Variants in ANKRD1 observed in about 807,000 individuals in gnomAD.
The protein encoded by ANKRD1 is ankyrin repeat domain-containing protein 1.
ANKRD1 carries 32 observed loss-of-function variants against 40.1 expected under a neutral mutation model. The ratio of observed to expected loss-of-function variants is 0.80; its 90% CI spans 0.60 to 1.07. The LOEUF is 1.07. ANKRD1 is among the 50% of genes least tolerant of loss of function. The pLI, the probability that ANKRD1 is intolerant of heterozygous loss-of-function variation, is 0.00. For synonymous variants in ANKRD1, 149 were observed against 141.2 expected (o/e 1.06, Z -0.39); for missense variants, 359 against 386.0 (o/e 0.93, Z 0.59).
In ANKRD1 at chr10:90,915,776, A is replaced by G. The variant is rs751531814; in HGVS notation, c.750+6T>C. ...TTGGGAAACCCGAGCGTGTCCAGCT[A>G]CTCACTCTGTCTTTGGCGTTGAGGT... is the stretch of plus-strand genomic sequence containing the variant. On this transcript the variant is annotated splice_donor_region_variant and intron_variant, in intron 7 of 8. Coordinates refer to ENST00000371697, the MANE Select transcript of ANKRD1 (RefSeq NM_014391.3). 3 of 1,613,484 alleles carry G rather than the reference A, an allele frequency of 1.9e-6. No homozygotes were observed. Among genetic ancestry groups the G allele is most frequent in the East Asian group, 2.2e-5 (1 of 44,796 alleles).
intron 6 of ANKRD1, 140 bp downstream of exon 6, chr10:90,916,031 G>T: frequency 1.5e-6 from 1 of 646,900 alleles, no homozygotes. Flanking sequence ...GCGAGGTTAG[G>T]AGATGGAGGG....
chr10:90,912,991 T>C lies in ANKRD1; in HGVS notation c.850-15A>G, dbSNP rs988178315. On this transcript the variant is annotated splice_polypyrimidine_tract_variant and intron_variant, in intron 8 of 8. Transcript: ENST00000371697. ...GTCTTCCCAGCCTAATCAAATGAGA[T>C]AAGGAAAGTTGACTTTCAGGTGGGT... The C allele has an allele frequency of 1.5e-5, 24 of 1,612,114 alleles. No individual in the cohort carries two copies. Among genetic ancestry groups the C allele is most frequent in the Non-Finnish European group, 1.9e-5 (22 of 1,178,192 alleles).
At chr10:90,914,835 G>A (rs1440165825) in intron 8 of ANKRD1, among the ~76,000 whole-genome samples, 1 of 148,572 alleles carries the variant, frequency 6.7e-6, no homozygotes, top group Non-Finnish European at 1.5e-5. Context: ...TATATTAGAT[G>A]GTGTTTGTCT....
chr10:90,916,775 T>C (rs1356985551), intron 5 of ANKRD1, among the ~76,000 whole-genome samples: 1 of 152,228 alleles, frequency 6.6e-6, no homozygotes, highest in East Asian at 1.9e-4. Flanking sequence ...TTAAAAATTT[T>C]GGCAGAATAA....
In ANKRD1 at chr10:90,918,913, T is replaced by A; in HGVS notation, c.405A>T (p.Val135=). Residue 135 remains valine (V), a synonymous_variant, in exon 4 of 9, where the codon GTA becomes GTT. Coordinates refer to ENST00000371697, the MANE Select transcript of ANKRD1 (RefSeq NM_014391.3). ...LKAALENKLP[V]VEKFLSDKNN... Reference sequence around the variant, plus strand: ...TCTTGTCTGACAAGAATTTTTCTACTACTGGCAGTTTATTCTCCAGAGCAG... The same window carrying A: ...TCTTGTCTGACAAGAATTTTTCTACAACTGGCAGTTTATTCTCCAGAGCAG... 1 of 1,612,072 alleles carries A rather than the reference T, an allele frequency of 6.2e-7. No homozygotes were observed. The highest frequency in any genetic ancestry group is 8.5e-7 in the Non-Finnish European group (1 of 1,179,658).
intron 2 of ANKRD1, 112 bp downstream of exon 2, chr10:90,920,057 G>C: frequency 6.8e-7 from 1 of 1,475,986 alleles, no homozygotes; most frequent in Non-Finnish European, 9.5e-7. Context: ...TTAGAATCTG[G>C]TAAAGAGACA....
rs1445123382 is a variant in ANKRD1, at chr10:90,919,218, G to T, written c.258C>A (p.Asp86Glu). ...EQRSKLENLE[D>E]LEIIIQLKKR... is the part of the protein sequence containing the mutation. ...TCTTCAGTTGAATGATTATTTCAAG[G>T]TCTTCTAAATTTTCAAGCTTTGATC... Residue 86 changes from aspartate (D) to glutamate (E), a missense_variant, in exon 3 of 9, where the codon GAC (aspartate) becomes GAA (glutamate). Coordinates refer to ENST00000371697, the MANE Select transcript of ANKRD1 (RefSeq NM_014391.3). 1 of 1,610,028 alleles carries T rather than the reference G, an allele frequency of 6.2e-7. No individual in the cohort carries two copies. Among genetic ancestry groups the T allele is most frequent in the Admixed American group, 1.7e-5 (1 of 59,742 alleles).
At chr10:90,920,681 G>A (rs576575718) in intron 1 of ANKRD1, among the ~76,000 whole-genome samples, 106 of 152,180 alleles carry the variant, frequency 7.0e-4, no homozygotes, top group Admixed American at 2.2e-3. Context: ...GATGAGTTTC[G>A]CCTTATTGTA....
chr10:90,915,474 C>A, intron 8 of ANKRD1, 69 bp downstream of exon 8: 1 of 1,372,538 alleles, frequency 7.3e-7, no homozygotes, highest in Non-Finnish European at 1.0e-6. Flanking sequence ...GGAGTCGTTT[C>A]ACCTATTTAA....
rs990232406 is a variant in ANKRD1 at position 90,915,649 on chromosome 10, A to G, written c.751-8T>C. ...CAACGGGGTATCTCCTTCCTAGAGA[A>G]GCAGAGTCAACAGGTTCAAGGTGGG... On this transcript the variant is annotated splice_polypyrimidine_tract_variant and splice_region_variant and intron_variant, in intron 7 of 8. Transcript: ENST00000371697. The G allele has an allele frequency of 5.0e-6, 8 of 1,613,568 alleles. No individual in the cohort carries two copies. The highest frequency in any genetic ancestry group is 4.2e-6 in the Non-Finnish European group (5 of 1,179,766).
chr10:90,920,507 A>G (rs997825038), intron 1 of ANKRD1, among the ~76,000 whole-genome samples, 159 bp from the exon 2 acceptor site: 3 of 152,210 alleles, frequency 2.0e-5, no homozygotes, highest in Non-Finnish European at 4.4e-5. Flanking sequence ...CACTGCTACA[A>G]TTGTCCCAGA....
Position 90,912,335 on chromosome 10 carries a change from T to TA in ANKRD1, c.*530dup, listed in dbSNP as rs1252270273. The TA allele has an allele frequency of 2.1e-5, 2 of 94,260 alleles. No homozygotes were observed. The highest frequency in any genetic ancestry group is 5.8e-4 in the East Asian group (2 of 3,436). The allele number at this position is 94,260 out of a possible 1,614,324, so 5.8% of individuals were successfully genotyped here. ...AAAAAAAAAAAATCCAGCCTGGGGG[T>TA]AAAATAGCTGGCTTCACTGTCCTTT... On this transcript the variant is annotated 3_prime_UTR_variant, in exon 9 of 9. Transcript: ENST00000371697.
chr10:90,915,891 G>A lies in ANKRD1; in HGVS notation c.652-11C>T. On this transcript the variant is annotated splice_polypyrimidine_tract_variant and intron_variant, in intron 6 of 8. Transcript: ENST00000371697. ...CGCTGTGCTGAGCAACTGGAAAATT[G>A]GAAAACGCTGCTGATTCGCTAGGAA... is the stretch of plus-strand genomic sequence containing the variant. 6.2e-7 allele frequency: 1 copy of A among 1,603,932 alleles called. No homozygotes were observed. Among genetic ancestry groups the A allele is most frequent in the Non-Finnish European group, 8.5e-7 (1 of 1,177,042 alleles).
intron 5 of ANKRD1, among the ~76,000 whole-genome samples, 161 bp from the exon 6 acceptor site, chr10:90,916,430 A>ATGTG (rs112074175): frequency 7.3e-5 from 11 of 149,996 alleles, no homozygotes; most frequent in African/African-American, 2.0e-4. Flanking sequence ...GCTAAATTAC[A>ATGTG]TGTGTGTGTG....
At position 90,915,871 on chromosome 10, in the gene ANKRD1, T is replaced by C. The variant is rs1847364851; in HGVS notation, c.661A>G (p.Thr221Ala). The C allele has an allele frequency of 6.2e-7, 1 of 1,609,666 alleles. No individual in the cohort carries two copies. The highest frequency in any genetic ancestry group is 8.5e-7 in the Non-Finnish European group (1 of 1,179,016). ...KISARDKLLS[T>A]ALHVAVRTGH... is the part of the protein sequence containing the mutation. ...GTCCTCACCGCCACATGCAGCGCTGTGCTGAGCAACTGGAAAATTGGAAAA... is the reference window on the plus strand; with the variant it reads ...GTCCTCACCGCCACATGCAGCGCTGCGCTGAGCAACTGGAAAATTGGAAAA... The change falls in exon 7 of 9, where the codon ACA becomes GCA. Residue 221 changes from threonine (T) to alanine (A), a missense_variant. By Grantham distance (58) the Thr-to-Ala change is moderately conservative. Coordinates refer to ENST00000371697, the MANE Select transcript of ANKRD1 (RefSeq NM_014391.3).
rs201824135 is a variant in ANKRD1 at position 90,918,835 on chromosome 10, G to A, written c.453+30C>T. 2.8e-5 allele frequency: 42 copies of A among 1,507,270 alleles called. No homozygotes were observed. In the African/African-American group the frequency reaches 5.6e-4, roughly 20 times the overall value. The allele number at this position is 1,507,270 out of a possible 1,614,324, so 93.4% of individuals were successfully genotyped here. ...ATAAGAAACATAAAATTAATGAGCT[G>A]GATTTTGCAGTGCTTTGCATGAGTC... On this transcript the variant is annotated intron_variant, in intron 4 of 8. Coordinates refer to ENST00000371697, the MANE Select transcript of ANKRD1 (RefSeq NM_014391.3).
rs997537833 is a variant in ANKRD1 at position 90,915,783 on chromosome 10, C to G, written c.749G>C (p.Arg250Thr). 5 of 1,613,910 alleles carry G rather than the reference C, an allele frequency of 3.1e-6. No homozygotes were observed. The highest frequency in any genetic ancestry group is 4.2e-6 in the Non-Finnish European group (5 of 1,179,990). ...ACEADLNAKD[R>T]EGDTPLHDAV... is the part of the protein sequence containing the mutation. ...ACCCGAGCGTGTCCAGCTACTCACT[C>G]TGTCTTTGGCGTTGAGGTCTGCCTC... Residue 250 changes from arginine (R) to threonine (T), a missense_variant and splice_region_variant, in exon 7 of 9, where the codon AGA becomes ACA. Transcript: ENST00000371697.
chr10:90,918,971 G>T lies in ANKRD1; in HGVS notation c.347C>A (p.Thr116Lys). The T allele has an allele frequency of 6.4e-7, 1 of 1,567,718 alleles. No individual in the cohort carries two copies. The highest frequency in any genetic ancestry group is 2.3e-5 in the East Asian group (1 of 42,596). ...VVKEPEPEII[T>K]EPVDVPTFLK... The stretch of plus-strand genomic sequence containing the variant: ...AAACGTAGGCACATCCACAGGTTCC[G>T]TCTAAAGCCAAAATAAATAAATATA... Residue 116 changes from threonine to lysine, a missense_variant and splice_region_variant, in exon 4 of 9, where the codon ACG (threonine) becomes AAG (lysine). Transcript: ENST00000371697.
chr10:90,914,782 T>G (rs1847352985), intron 8 of ANKRD1, among the ~76,000 whole-genome samples: 1 of 145,866 alleles, frequency 6.9e-6, no homozygotes, highest in South Asian at 2.3e-4. Context: ...AATTATTTCT[T>G]CAGAAATTTA....
Sources: gnomAD v4.1 joint callset for allele counts (sites outside exome capture counted in the v4.1 genomes callset) on GRCh38, gnomAD v4.1.1 for gene constraint, MANE v1.5 for transcripts, NCBI Gene and HGNC (gene_info 2026-07-23, HGNC 2026-07-21) for gene names.